The following ELP1 variants were observed in gnomAD, a reference collection of about 807,000 sequenced individuals.
The protein encoded by ELP1 is elongator acetyltransferase complex subunit 1.
Under a neutral mutation model 183.2 loss-of-function variants are expected in ELP1, and 131 were observed. That is an observed-to-expected ratio of 0.72 (90% CI 0.62 to 0.83). The LOEUF (loss-of-function observed/expected upper bound fraction) is 0.83. ELP1 is among the 40% of genes least tolerant of loss of function. The pLI is 0.00. For synonymous variants in ELP1, 555 were observed against 569.0 expected (o/e 0.98, Z 0.35); for missense variants, 1,550 against 1,594.9 (o/e 0.97, Z 0.48).
intron 5 of ELP1, among the ~76,000 whole-genome samples, chr9:108,923,985 T>G (rs948711312): frequency 3.3e-5 from 5 of 152,226 alleles, no homozygotes; most frequent in Admixed American, 6.5e-5. Context: ...CCATTTCCTG[T>G]CTGCTCACAT....
intron 14 of ELP1, among the ~76,000 whole-genome samples, chr9:108,905,327 C>T (rs775986110): frequency 1.3e-5 from 2 of 152,076 alleles, no homozygotes; most frequent in African/African-American, 2.4e-5. Context: ...ACAAAGGTGC[C>T]AAGTATTGAC....
chr9:108,869,700 G>A (rs1827367039), intron 36 of ELP1, among the ~76,000 whole-genome samples: 2 of 152,058 alleles, frequency 1.3e-5, no homozygotes, highest in South Asian at 2.1e-4. Context: ...GAGAGAGAGG[G>A]TTAGGAAAAG....
chr9:108,924,361 GA>G (rs943811535), intron 5 of ELP1, among the ~76,000 whole-genome samples: 1 of 151,650 alleles, frequency 6.6e-6, no homozygotes, highest in East Asian at 1.9e-4. Flanking sequence ...CAGGATAGAG[GA>G]AAAATATTCA....
chr9:108,919,905 C>T (rs1272264985), intron 6 of ELP1, among the ~76,000 whole-genome samples: 3 of 152,154 alleles, frequency 2.0e-5, no homozygotes, highest in Non-Finnish European at 1.5e-5. Context: ...CTGAAGCCAA[C>T]TCTACCGGGT....
intron 29 of ELP1, among the ~76,000 whole-genome samples, chr9:108,883,319 A>C (rs1167852564): frequency 6.6e-6 from 1 of 152,198 alleles, no homozygotes; most frequent in Admixed American, 6.5e-5. Flanking sequence ...GCACACCGCC[A>C]TGCCTGGCTA....
intron 18 of ELP1, among the ~76,000 whole-genome samples, chr9:108,900,771 C>A (rs533064322): frequency 3.5e-4 from 53 of 151,456 alleles, no homozygotes; most frequent in Non-Finnish European, 6.2e-4. Context: ...CACACATACA[C>A]GCCACACACA....
At chr9:108,910,737 T>C (rs1021898111) in intron 12 of ELP1, among the ~76,000 whole-genome samples, 2 of 151,950 alleles carry the variant, frequency 1.3e-5, no homozygotes, top group African/African-American at 4.8e-5. Context: ...TATAACATAC[T>C]ATGTTATTTC....
chr9:108,903,811 A>T (rs1828911719), intron 14 of ELP1, 142 bp from the exon 15 acceptor site: 2 of 679,482 alleles, frequency 2.9e-6, no homozygotes, highest in East Asian at 5.5e-5. Flanking sequence ...ACATATATAC[A>T]CACCCAATAC....
chr9:108,902,457 C>T (rs988795048), intron 16 of ELP1, among the ~76,000 whole-genome samples: 4 of 152,194 alleles, frequency 2.6e-5, no homozygotes, highest in Admixed American at 2.6e-4. Flanking sequence ...TGTTTTCCAG[C>T]CACTGCATTC....
intron 35 of ELP1, 100 bp downstream of exon 35, chr9:108,877,895 T>C: frequency 1.6e-6 from 2 of 1,220,540 alleles, no homozygotes; most frequent in Non-Finnish European, 1.2e-6. Flanking sequence ...TGGCATCTTA[T>C]GTTTTAAGAA....
At chr9:108,872,111 C>A (rs141949904) in intron 36 of ELP1, among the ~76,000 whole-genome samples, 1 of 152,128 alleles carries the variant, frequency 6.6e-6, no homozygotes, top group Non-Finnish European at 1.5e-5. Flanking sequence ...TTAAGGTTTA[C>A]GATATTACAT....
chr9:108,926,626 T>C, intron 4 of ELP1, 23 bp from the exon 5 acceptor site: 1 of 1,592,576 alleles, frequency 6.3e-7, no homozygotes, highest in East Asian at 2.2e-5. Context: ...CAAACAAAAA[T>C]GATTTTGTTT....
chr9:108,926,766 C>T lies in ELP1; in HGVS notation c.386-163G>A, dbSNP rs140745532. On this transcript the variant is annotated intron_variant, in intron 4 of 36. Transcript: ENST00000374647. ...TAAAAAAACAACAATGACAAAAAAC[C>T]CCAAAAAGCTTTCCCTAGATAAGTC... 6.6e-5 allele frequency among the ~76,000 whole-genome samples: 10 copies of T among 152,142 alleles called. No homozygotes were observed. In the East Asian group the frequency reaches 1.9e-3, roughly 29 times the overall value.
At chr9:108,913,269 C>T (rs980033265) in intron 10 of ELP1, among the ~76,000 whole-genome samples, 18 of 152,154 alleles carry the variant, frequency 1.2e-4, no homozygotes, top group African/African-American at 3.6e-4. Context: ...CTTTCAGGTG[C>T]TTTGCAAGCA....
chr9:108,893,217 T>A, intron 26 of ELP1, 134 bp from the exon 27 acceptor site: 1 of 699,656 alleles, frequency 1.4e-6, no homozygotes, highest in Admixed American at 2.2e-5. Context: ...ATCTGAAGAA[T>A]GGGATCCTGG....
chr9:108,922,783 TG>T, intron 6 of ELP1, 58 bp downstream of exon 6: 1 of 1,284,816 alleles, frequency 7.8e-7, no homozygotes, highest in Non-Finnish European at 1.1e-6. Flanking sequence ...GAGTTCCTGG[TG>T]GGTGGCAAAC....
chr9:108,874,529 A>G (rs1464215463), intron 36 of ELP1, among the ~76,000 whole-genome samples: 3 of 152,274 alleles, frequency 2.0e-5, no homozygotes, highest in Non-Finnish European at 2.9e-5. Flanking sequence ...GATGCAAAGC[A>G]TAACTGCCAA....
chr9:108,877,356 A>C (rs1366378940), intron 35 of ELP1, among the ~76,000 whole-genome samples: 1 of 152,214 alleles, frequency 6.6e-6, no homozygotes, highest in Non-Finnish European at 1.5e-5. Context: ...TTCTGTGATA[A>C]AATAATAGAT....
intron 9 of ELP1, among the ~76,000 whole-genome samples, chr9:108,917,015 T>G (rs1829460537): frequency 6.6e-6 from 1 of 152,224 alleles, no homozygotes; most frequent in Non-Finnish European, 1.5e-5. Context: ...GCATTTTTAT[T>G]TCCTACTTCT....
Sources: allele counts gnomAD v4.1 joint callset (sites outside exome capture counted in the v4.1 genomes callset), GRCh38; gene constraint gnomAD v4.1.1; transcripts MANE v1.5; gene names NCBI Gene and HGNC (gene_info 2026-07-23, HGNC 2026-07-21).